Variants in PNPLA5 observed in about 807,000 individuals in gnomAD.
The protein encoded by PNPLA5 is patatin-like phospholipase domain-containing protein 5.
In PNPLA5, 44 loss-of-function variants were observed where a neutral mutation model predicts 49.1. That is an observed-to-expected ratio of 0.90 (90% CI 0.70 to 1.15). The LOEUF is 1.15. Ranked by LOEUF, PNPLA5 falls within the 50% of genes most tolerant of loss-of-function variation. The pLI, the probability that PNPLA5 is intolerant of heterozygous loss-of-function variation, is 0.00. For synonymous variants in PNPLA5, 243 were observed against 244.4 expected (o/e 0.99, Z 0.06); for missense variants, 603 against 564.0 (o/e 1.07, Z -0.70).
chr22:43,891,048 C>G lies in PNPLA5; in HGVS notation c.426+14G>C. The stretch of plus-strand genomic sequence containing the variant: ...CGCCCACCAGCCAAGCCCTGGGCAC[C>G]CCCCGCCCCACACCTGGATGAGCTC... On this transcript the variant is annotated intron_variant, in intron 2 of 8. Coordinates refer to ENST00000216177, the MANE Select transcript of PNPLA5 (RefSeq NM_138814.4). 8.8e-6 allele frequency: 14 copies of G among 1,599,338 alleles called. No individual in the cohort carries two copies. The highest frequency in any genetic ancestry group is 1.2e-5 in the Non-Finnish European group (14 of 1,174,632).
chr22:43,891,921 C>A lies in PNPLA5; in HGVS notation c.-41G>T. 6.7e-7 allele frequency: 1 copy of A among 1,490,154 alleles called. No homozygotes were observed. Among genetic ancestry groups the A allele is most frequent in the South Asian group, 1.3e-5 (1 of 76,834 alleles). 92.3% of individuals were successfully genotyped at this position (1,490,154 alleles called of 1,614,324 possible). A position where few individuals can be genotyped will look rare whatever the true frequency, so the allele number is the denominator to read the frequency against. ...CGGGGTGATCGGGACGAGGAAGGGT[C>A]ACTCCGTGACCCGGGATAGGGCCGG... On this transcript the variant is annotated 5_prime_UTR_variant, in exon 1 of 9. Transcript: ENST00000216177.
chr22:43,884,585 C>T (rs2049643358), intron 6 of PNPLA5, among the ~76,000 whole-genome samples: 1 of 152,182 alleles, frequency 6.6e-6, no homozygotes, highest in South Asian at 2.1e-4. Context: ...GGAGAAGTGA[C>T]TTGCCTAAGG....
chr22:43,881,732 G>T, intron 7 of PNPLA5, 58 bp from the exon 8 acceptor site: 2 of 1,584,086 alleles, frequency 1.3e-6, no homozygotes, highest in Non-Finnish European at 1.7e-6. Flanking sequence ...GCCCCACCAA[G>T]CCCACCCTCC....
At chr22:43,882,758 T>G (rs1353751817) in intron 7 of PNPLA5, among the ~76,000 whole-genome samples, 1 of 152,242 alleles carries the variant, frequency 6.6e-6, no homozygotes, top group African/African-American at 2.4e-5. Flanking sequence ...AGCTCTCTCC[T>G]GGGTTTGGGC....
intron 4 of PNPLA5, among the ~76,000 whole-genome samples, chr22:43,888,523 C>G (rs2148329655): frequency 6.6e-6 from 1 of 151,102 alleles, no homozygotes; most frequent in South Asian, 2.1e-4. Flanking sequence ...CAATCTCCAC[C>G]TCCCAGGTTC....
intron 5 of PNPLA5, among the ~76,000 whole-genome samples, chr22:43,887,052 C>T (rs2049672008): frequency 6.8e-6 from 1 of 147,276 alleles, no homozygotes; most frequent in Non-Finnish European, 1.5e-5. Context: ...ACCTCTCTGG[C>T]ACACCCACTG....
Position 43,891,692 on chromosome 22 carries a change from C to G in PNPLA5, c.189G>C (p.Ser63=), listed in dbSNP as rs759341016. ...CCCCCGCGGTCCGGGACTCACCGAC[C>G]GACTTGCCGCAGACGATGCTGACTG... ...LNAVSIVCGK[S]VDFCCSHLLG... Residue 63 remains serine, a synonymous_variant, in exon 1 of 9, where the codon TCG becomes TCC. Transcript: ENST00000216177. The G allele has an allele frequency of 6.5e-7, 1 of 1,546,330 alleles. No individual in the cohort carries two copies. The highest frequency in any genetic ancestry group is 8.7e-7 in the Non-Finnish European group (1 of 1,145,758).
intron 7 of PNPLA5, among the ~76,000 whole-genome samples, chr22:43,883,272 T>G (rs1319898932): frequency 6.6e-6 from 1 of 152,096 alleles, no homozygotes; most frequent in African/African-American, 2.4e-5. Context: ...AGGGAACCTC[T>G]AGGTGGCGCT....
At position 43,880,836 on chromosome 22, in the gene PNPLA5, C is replaced by G. The variant is rs982179042; in HGVS notation, c.1249G>C (p.Ala417Pro). 3 of 1,339,954 alleles carry G rather than the reference C, an allele frequency of 2.2e-6. No homozygotes were observed. The highest frequency in any genetic ancestry group is 6.1e-5 in the Admixed American group (2 of 32,666). The allele number at this position is 1,339,954 out of a possible 1,614,324, so 83.0% of individuals were successfully genotyped here. A position where few individuals can be genotyped will look rare whatever the true frequency, so the allele number is the denominator to read the frequency against. The change falls in exon 9 of 9, where the codon GCT becomes CCT. Residue 417 changes from alanine to proline, a missense_variant. Coordinates refer to ENST00000216177, the MANE Select transcript of PNPLA5 (RefSeq NM_138814.4). The stretch of plus-strand genomic sequence containing the variant: ...GGCCCGAGCTCCTCTCTATGAGGAG[C>G]TATCTGGGGTTGGAGGGGGCTTGTT... ...LETSPLQPQI[A>P]PHREELGPTH...
At chr22:43,886,171 G>A (rs867199111) in intron 6 of PNPLA5, 132 bp downstream of exon 6, 6 of 977,046 alleles carry the variant, frequency 6.1e-6, no homozygotes, top group Non-Finnish European at 8.8e-6. Context: ...ACCACACTTG[G>A]CATTTAGTAG....
In PNPLA5 at chr22:43,891,706, C is replaced by G. The variant is rs373367711; in HGVS notation, c.175G>C (p.Val59Leu). 2 of 1,547,534 alleles carry G rather than the reference C, an allele frequency of 1.3e-6. No individual in the cohort carries two copies. Among genetic ancestry groups the G allele is most frequent in the Admixed American group, 2.0e-5 (1 of 50,298 alleles). ...GACTCACCGACCGACTTGCCGCAGA[C>G]GATGCTGACTGCGTTGAGCGCCCCA... Reference protein sequence around the residue: ...SSGALNAVSIVCGKSVDFCCS... With the variant: ...SSGALNAVSILCGKSVDFCCS... Residue 59 changes from valine (V) to leucine (L), a missense_variant, in exon 1 of 9, where the codon GTC becomes CTC. Val to Leu is a conservative substitution (Grantham distance 32, BLOSUM62 1). Coordinates refer to ENST00000216177, the MANE Select transcript of PNPLA5 (RefSeq NM_138814.4).
In PNPLA5 at chr22:43,886,366, C is replaced by A; in HGVS notation, c.886G>T (p.Val296Leu). 6.2e-7 allele frequency: 1 copy of A among 1,614,162 alleles called. No homozygotes were observed. Among genetic ancestry groups the A allele is most frequent in the Non-Finnish European group, 8.5e-7 (1 of 1,180,016 alleles). ...WKGGLSLNWKVPHVQVKDVPN... is the reference protein window; with the variant it reads ...WKGGLSLNWKLPHVQVKDVPN... The stretch of plus-strand genomic sequence containing the variant: ...ACATCCTTGACTTGCACATGGGGCA[C>A]TTTCCAGTTGAGAGACAGGCCCCCC... Residue 296 changes from valine (V) to leucine (L), a missense_variant, in exon 6 of 9, where the codon GTG becomes TTG. Physicochemically the swap from Val to Leu is conservative, Grantham distance 32. Coordinates refer to ENST00000216177, the MANE Select transcript of PNPLA5 (RefSeq NM_138814.4).
chr22:43,887,593 CGT>C lies in PNPLA5; in HGVS notation c.759_760del (p.Arg254TrpfsTer14). The stretch of plus-strand genomic sequence containing the variant: ...GCCACTGTGGGACTGCCACCTACCA[CGT>C]CTCTCCAGGAACCTCAGGGCATCCA... On this transcript the variant is annotated frameshift_variant, in exon 5 of 9. Transcript: ENST00000216177. LOFTEE classifies it high-confidence loss of function. The C allele has an allele frequency of 1.2e-6, 2 of 1,610,428 alleles. No homozygotes were observed. The highest frequency in any genetic ancestry group is 1.7e-6 in the Non-Finnish European group (2 of 1,178,300).
At chr22:43,883,255 C>T (rs373764512) in intron 7 of PNPLA5, among the ~76,000 whole-genome samples, 1 of 152,134 alleles carries the variant, frequency 6.6e-6, no homozygotes, top group Non-Finnish European at 1.5e-5. Context: ...CAGTGTAGAC[C>T]TCTCCCAGGG....
intron 6 of PNPLA5, 105 bp from the exon 7 acceptor site, chr22:43,884,450 T>A: frequency 1.4e-6 from 2 of 1,386,612 alleles, no homozygotes; most frequent in Non-Finnish European, 9.4e-7. Context: ...CTCCACCTTC[T>A]GCAGATGAAG....
rs772282594 is a variant in PNPLA5, at chr22:43,880,907, C to T, written c.1200-22G>A. 9 of 1,316,542 alleles carry T rather than the reference C, an allele frequency of 6.8e-6. No homozygotes were observed. In the Admixed American group the frequency reaches 1.2e-4, roughly 18 times the overall value. The allele number at this position is 1,316,542 out of a possible 1,614,324, so 81.6% of individuals were successfully genotyped here. A position where few individuals can be genotyped will look rare whatever the true frequency, so the allele number is the denominator to read the frequency against. On this transcript the variant is annotated intron_variant, in intron 8 of 8. Transcript: ENST00000216177. ...AGGGCTGTGGAGGGAGGAGAAGCCA[C>T]GGGTAAATGCCTGGGGCTCGGGAAG...
chr22:43,883,969 C>T (rs998610923), intron 7 of PNPLA5, among the ~76,000 whole-genome samples: 4 of 152,090 alleles, frequency 2.6e-5, no homozygotes, highest in Non-Finnish European at 5.9e-5. Flanking sequence ...CCCAGGAGGC[C>T]GACCAGGAAG....
Position 43,884,337 on chromosome 22 carries a change from T to G in PNPLA5, c.958A>C (p.Lys320Gln). 6.4e-7 allele frequency: 1 copy of G among 1,573,896 alleles called. No individual in the cohort carries two copies. Among genetic ancestry groups the G allele is most frequent in the Non-Finnish European group, 8.6e-7 (1 of 1,159,924 alleles). ...CGGCTGGGATCCCTCGTACATGCTT[T>G]CTTCAGTGCTGCAAGAGAAGCCCTG... is the stretch of plus-strand genomic sequence containing the variant. ...LSPELEAALK[K>Q]ACTRDPSRWA... is the part of the protein sequence containing the mutation. The change falls in exon 7 of 9, where the codon AAA becomes CAA. Residue 320 changes from lysine (K) to glutamine (Q), a missense_variant. Lys to Gln is a moderately conservative substitution (Grantham distance 53). Transcript: ENST00000216177.
intron 7 of PNPLA5, among the ~76,000 whole-genome samples, chr22:43,882,345 C>T (rs2049618966): frequency 1.3e-5 from 2 of 152,238 alleles, no homozygotes; most frequent in South Asian, 4.1e-4. Context: ...TGCAGAGCCA[C>T]AGCCCTGTGG....
Sources: allele counts gnomAD v4.1 joint callset (sites outside exome capture counted in the v4.1 genomes callset), GRCh38; gene constraint gnomAD v4.1.1; transcripts MANE v1.5; gene names NCBI Gene and HGNC (gene_info 2026-07-23, HGNC 2026-07-21).